HMCN1: variants seen among roughly 807,000 people sequenced by gnomAD.
HMCN1 encodes hemicentin-1.
Under a neutral mutation model 625.9 loss-of-function variants are expected in HMCN1, and 321 were observed. That is an observed-to-expected ratio of 0.51 (90% CI 0.47 to 0.56). The LOEUF (loss-of-function observed/expected upper bound fraction) is 0.56. HMCN1 is among the 20% of genes least tolerant of loss of function. HMCN1 has a pLI of 0.00. For missense variants in HMCN1, 6,588 were observed against 6,887.3 expected, an observed-to-expected ratio of 0.96 and a Z score of 1.54; for synonymous variants, 2,425 against 2,417.6, an observed-to-expected ratio of 1.00 and a Z score of -0.09.
At chr1:186,039,268 TGCTTATAAATG>T (rs1656044146) in intron 38 of HMCN1, among the ~76,000 whole-genome samples, 1 of 152,168 alleles carries the variant, frequency 6.6e-6, no homozygotes, top group Admixed American at 6.6e-5. Context: ...CAAAAAACAC[TGCTTATAAATG>T]CTCTCTGAAA....
At chr1:185,813,287 AATATG>A (rs1490561285) in intron 1 of HMCN1, among the ~76,000 whole-genome samples, 1 of 152,208 alleles carries the variant, frequency 6.6e-6, no homozygotes, top group African/African-American at 2.4e-5. Context: ...ACCTAGTTAA[AATATG>A]ATAATAGAAA....
chr1:186,163,631 A>C (rs1418251996), intron 97 of HMCN1, among the ~76,000 whole-genome samples: 1 of 152,246 alleles, frequency 6.6e-6, no homozygotes. Flanking sequence ...TGAAAATTGC[A>C]TTCCTAGAAA....
At chr1:185,739,658 C>A (rs759670819) in intron 1 of HMCN1, among the ~76,000 whole-genome samples, 3 of 152,156 alleles carry the variant, frequency 2.0e-5, no homozygotes, top group African/African-American at 7.2e-5. Context: ...ATGTTTCAGA[C>A]CTTGCTTCAC....
intron 4 of HMCN1, among the ~76,000 whole-genome samples, chr1:185,899,903 C>T (rs530699032): frequency 1.2e-3 from 185 of 152,066 alleles, no homozygotes; most frequent in African/African-American, 4.3e-3. Flanking sequence ...CCTTTACAGG[C>T]CATACATCTG....
chr1:185,935,470 T>C (rs1175552107), intron 11 of HMCN1, among the ~76,000 whole-genome samples: 1 of 152,150 alleles, frequency 6.6e-6, no homozygotes, highest in East Asian at 1.9e-4. Flanking sequence ...AACCATATGA[T>C]CTAGAAATGT....
At chr1:186,075,636 C>A (rs1363437152) in intron 53 of HMCN1, among the ~76,000 whole-genome samples, 1 of 152,040 alleles carries the variant, frequency 6.6e-6, no homozygotes, top group East Asian at 1.9e-4. Flanking sequence ...TATTGTTACT[C>A]TTGATGTTGC....
intron 9 of HMCN1, among the ~76,000 whole-genome samples, chr1:185,928,007 A>C (rs1402143321): frequency 6.6e-6 from 1 of 152,126 alleles, no homozygotes; most frequent in Non-Finnish European, 1.5e-5. Flanking sequence ...TTTAACTATA[A>C]AACTGATCAT....
intron 1 of HMCN1, among the ~76,000 whole-genome samples, chr1:185,837,568 T>C (rs1661243294): frequency 6.6e-6 from 1 of 152,132 alleles, no homozygotes; most frequent in Admixed American, 6.5e-5. Context: ...TTTCTGTCAG[T>C]ATTTTCCTTT....
chr1:186,007,162 C>G lies in HMCN1; in HGVS notation c.4510C>G (p.Leu1504Val), dbSNP rs773233282. The change falls in exon 30 of 107, where the codon CTA becomes GTA. Residue 1504 changes from leucine (L) to valine (V), a missense_variant. Coordinates refer to ENST00000271588, the MANE Select transcript of HMCN1 (RefSeq NM_031935.3). Reference sequence around the variant, plus strand: ...TTTGGGCGATCCTAATGTTGAACTTCTAGACAGAGGACAAGTCTTACATTT... The same window carrying G: ...TTTGGGCGATCCTAATGTTGAACTTGTAGACAGAGGACAAGTCTTACATTT... ...LFLGDPNVELLDRGQVLHLKN... is the reference protein window; with the variant it reads ...LFLGDPNVELVDRGQVLHLKN... 16 of 1,613,028 alleles carry G rather than the reference C, an allele frequency of 9.9e-6. No homozygotes were observed. In the South Asian group the frequency reaches 1.6e-4, roughly 17 times the overall value.
chr1:186,173,539 G>C (rs1239328277), intron 102 of HMCN1, among the ~76,000 whole-genome samples: 2 of 151,366 alleles, frequency 1.3e-5, no homozygotes, highest in Non-Finnish European at 2.9e-5. Flanking sequence ...TACTCTGGGG[G>C]CTGAGGTGGG....
At chr1:185,882,531 A>G (rs569063035) in intron 4 of HMCN1, among the ~76,000 whole-genome samples, 1 of 152,120 alleles carries the variant, frequency 6.6e-6, no homozygotes, top group African/African-American at 2.4e-5. Context: ...AAAAAGTTTG[A>G]AAAACATTGA....
intron 4 of HMCN1, among the ~76,000 whole-genome samples, chr1:185,873,803 T>G (rs1347180387): frequency 6.6e-6 from 1 of 152,064 alleles, no homozygotes; most frequent in African/African-American, 2.4e-5. Context: ...ATTATTTCTT[T>G]AATAATGATA....
At chr1:185,807,032 G>T (rs1373461251) in intron 1 of HMCN1, among the ~76,000 whole-genome samples, 1 of 151,718 alleles carries the variant, frequency 6.6e-6, no homozygotes, top group Non-Finnish European at 1.5e-5. Context: ...CAAGAATTTG[G>T]GATTATAGTA....
intron 74 of HMCN1, 115 bp downstream of exon 74, chr1:186,115,061 A>G: frequency 5.4e-6 from 8 of 1,482,144 alleles, no homozygotes; most frequent in Non-Finnish European, 7.5e-6. Context: ...AATTTACATT[A>G]TGGTATGAAT....
intron 9 of HMCN1, among the ~76,000 whole-genome samples, 192 bp from the exon 10 acceptor site, chr1:185,928,354 G>A (rs1433481535): frequency 2.0e-5 from 3 of 152,066 alleles, no homozygotes; most frequent in Non-Finnish European, 2.9e-5. Flanking sequence ...TTTGCTCAGA[G>A]TAGAAAAGCC....
intron 1 of HMCN1, among the ~76,000 whole-genome samples, chr1:185,749,960 G>A (rs1394582396): frequency 1.3e-5 from 2 of 152,082 alleles, no homozygotes; most frequent in Admixed American, 1.3e-4. Context: ...ATTTCATATG[G>A]CTCTTGGCTA....
Position 185,911,275 on chromosome 1 carries a change from A to G in HMCN1, c.794-399A>G, listed in dbSNP as rs74134387. Among the ~76,000 whole-genome samples, 1,248 of 152,298 alleles carry G rather than the reference A, an allele frequency of 8.2e-3. 23 individuals are homozygous for G. Among genetic ancestry groups the G allele is most frequent in the African/African-American group, 0.029 (1,189 of 41,574 alleles). ...ATTTTTGGTAGCCATAGTAATTACTATCTAGGCTGGCTTCGGAAATATGAT... is the reference window on the plus strand; with the variant it reads ...ATTTTTGGTAGCCATAGTAATTACTGTCTAGGCTGGCTTCGGAAATATGAT... On this transcript the variant is annotated intron_variant, in intron 5 of 106. Coordinates refer to ENST00000271588, the MANE Select transcript of HMCN1 (RefSeq NM_031935.3).
At chr1:186,171,019 C>G (rs2102634221) in intron 100 of HMCN1, among the ~76,000 whole-genome samples, 1 of 152,280 alleles carries the variant, frequency 6.6e-6, no homozygotes, top group East Asian at 1.9e-4. Flanking sequence ...CCCAGTCTGT[C>G]AGTAACATTC....
chr1:185,812,195 G>C (rs1659563810), intron 1 of HMCN1, among the ~76,000 whole-genome samples: 1 of 151,890 alleles, frequency 6.6e-6, no homozygotes, highest in African/African-American at 2.4e-5. Flanking sequence ...GAAGCAGATT[G>C]CTTCTGTGGC....
Sources: allele counts gnomAD v4.1 joint callset (sites outside exome capture counted in the v4.1 genomes callset), GRCh38; gene constraint gnomAD v4.1.1; transcripts MANE v1.5; gene names NCBI Gene and HGNC (gene_info 2026-07-23, HGNC 2026-07-21).